Variants in SDK1 observed in about 807,000 individuals in gnomAD.
The protein encoded by SDK1 is protein sidekick-1.
A neutral mutation model predicts 245.5 loss-of-function variants in SDK1; 157 were observed. The observed-to-expected ratio is 0.64, with a 90% CI of 0.56 to 0.73. The LOEUF (loss-of-function observed/expected upper bound fraction) is 0.73. SDK1 is among the 30% of genes least tolerant of loss of function. The pLI, the probability that SDK1 is intolerant of heterozygous loss-of-function variation, is 0.00. For missense variants in SDK1, 3,583 were observed against 3,002.3 expected (o/e 1.19, Z -4.52); for synonymous variants, 1,647 against 1,278.5 (o/e 1.29, Z -6.15).
Position 4,118,982 on chromosome 7 carries a change from G to T in SDK1, c.3823+4708G>T, listed in dbSNP as rs749858054. ...TGGAAACAGAGCTTCTTTTGGGGAT[G>T]ATGAGATGTTCCAAAGTTCATCATG... On this transcript the variant is annotated intron_variant, in intron 25 of 44. Coordinates refer to ENST00000404826, the MANE Select transcript of SDK1 (RefSeq NM_152744.4). Among the ~76,000 whole-genome samples the T allele has an allele frequency of 6.7e-5, 10 of 148,594 alleles. 1 individual carries two copies. The highest frequency in any genetic ancestry group is 1.5e-4 in the Non-Finnish European group (10 of 66,704).
chr7:4,153,547 C>G (rs1363076822), intron 30 of SDK1, among the ~76,000 whole-genome samples: 1 of 152,188 alleles, frequency 6.6e-6, no homozygotes, highest in African/African-American at 2.4e-5. Context: ...GATCATACCA[C>G]TGAACTCCAG....
chr7:4,161,732 C>A, intron 31 of SDK1, 54 bp from the exon 32 acceptor site: 1 of 1,467,720 alleles, frequency 6.8e-7, no homozygotes, highest in Non-Finnish European at 9.5e-7. Flanking sequence ...CTGGGAAGGG[C>A]GGCAGAACAT....
intron 4 of SDK1, among the ~76,000 whole-genome samples, chr7:3,748,422 C>T (rs978344141): frequency 4.6e-5 from 7 of 152,122 alleles, no homozygotes; most frequent in Admixed American, 2.6e-4. Context: ...TATATTATAA[C>T]GGGCTTATGG....
intron 1 of SDK1, among the ~76,000 whole-genome samples, chr7:3,390,353 G>C (rs1781718318): frequency 6.6e-6 from 1 of 152,122 alleles, no homozygotes; most frequent in Admixed American, 6.5e-5. Context: ...CCTTTTAAAT[G>C]TTTACCACTG....
At chr7:3,541,742 T>C (rs1313925623) in intron 1 of SDK1, among the ~76,000 whole-genome samples, 1 of 152,198 alleles carries the variant, frequency 6.6e-6, no homozygotes, top group Non-Finnish European at 1.5e-5. Context: ...ATGGTTGAAT[T>C]AGGTGGAATT....
At chr7:3,487,772 A>AG (rs1403295964) in intron 1 of SDK1, among the ~76,000 whole-genome samples, 3 of 150,682 alleles carry the variant, frequency 2.0e-5, no homozygotes, top group African/African-American at 4.9e-5. Context: ...AAAAAAAAAA[A>AG]AAAAGAAAAG....
At position 3,482,563 on chromosome 7, in the gene SDK1, G is replaced by T. The variant is rs76936110; in HGVS notation, c.299-136517G>T. On this transcript the variant is annotated intron_variant, in intron 1 of 44. Coordinates refer to ENST00000404826, the MANE Select transcript of SDK1 (RefSeq NM_152744.4). ...AAACAAGCCTTAACTCACTGGAGTAGCAAGGAAAGCGCTTCTCTGAGAATT... is the reference window on the plus strand; with the variant it reads ...AAACAAGCCTTAACTCACTGGAGTATCAAGGAAAGCGCTTCTCTGAGAATT... 5.5e-3 allele frequency among the ~76,000 whole-genome samples: 837 copies of T among 152,316 alleles called. 11 individuals carry two copies. Among genetic ancestry groups the T allele is most frequent in the African/African-American group, 0.019 (803 of 41,564 alleles).
chr7:3,945,410 G>C (rs887293914), intron 5 of SDK1, among the ~76,000 whole-genome samples: 3 of 152,038 alleles, frequency 2.0e-5, no homozygotes, highest in Admixed American at 1.3e-4. Context: ...TTAACAAAGA[G>C]GGAGAAAAAA....
At chr7:3,899,721 A>T (rs1465763845) in intron 5 of SDK1, among the ~76,000 whole-genome samples, 2 of 152,192 alleles carry the variant, frequency 1.3e-5, no homozygotes, top group Non-Finnish European at 2.9e-5. Context: ...GGCCATCAGC[A>T]TGTGGGCCAT....
chr7:3,895,711 T>A (rs1781587296), intron 5 of SDK1, among the ~76,000 whole-genome samples: 2 of 152,198 alleles, frequency 1.3e-5, no homozygotes, highest in African/African-American at 2.4e-5. Context: ...TCTTTTCTAG[T>A]GTAAGTGCTT....
At chr7:3,469,581 T>C (rs1303085067) in intron 1 of SDK1, among the ~76,000 whole-genome samples, 1 of 152,212 alleles carries the variant, frequency 6.6e-6, no homozygotes, top group African/African-American at 2.4e-5. Context: ...CTAGGTTGTT[T>C]TTGCAAAGAA....
At chr7:4,229,858 G>A (rs538279303) in intron 40 of SDK1, among the ~76,000 whole-genome samples, 1 of 152,014 alleles carries the variant, frequency 6.6e-6, no homozygotes, top group South Asian at 2.1e-4. Context: ...CTTGCTCACA[G>A]TAAGCAGTAA....
At chr7:4,068,729 T>C (rs867588000) in intron 20 of SDK1, among the ~76,000 whole-genome samples, 1 of 151,882 alleles carries the variant, frequency 6.6e-6, no homozygotes, top group Non-Finnish European at 1.5e-5. Flanking sequence ...TTTATTTATT[T>C]ATTTATTTAT....
intron 1 of SDK1, among the ~76,000 whole-genome samples, chr7:3,463,384 A>G (rs1275623080): frequency 6.6e-6 from 1 of 152,086 alleles, no homozygotes; most frequent in Non-Finnish European, 1.5e-5. Flanking sequence ...ATGAATGAAC[A>G]TAGATTGAGT....
intron 4 of SDK1, among the ~76,000 whole-genome samples, chr7:3,756,507 GAC>G (rs1562420476): frequency 1.3e-5 from 2 of 150,986 alleles, no homozygotes; most frequent in South Asian, 4.2e-4. Flanking sequence ...GTGCGTGTGA[GAC>G]ATGTGTGTCA....
chr7:3,351,715 C>T (rs1780664752), intron 1 of SDK1, among the ~76,000 whole-genome samples: 1 of 152,142 alleles, frequency 6.6e-6, no homozygotes, highest in Non-Finnish European at 1.5e-5. Flanking sequence ...GTAAAAGGTT[C>T]AGTTCAGATA....
intron 19 of SDK1, among the ~76,000 whole-genome samples, chr7:4,063,002 C>G (rs1325364649): frequency 6.6e-6 from 1 of 152,196 alleles, no homozygotes; most frequent in Non-Finnish European, 1.5e-5. Flanking sequence ...TAACATCACA[C>G]TGAATGGGGA....
intron 1 of SDK1, among the ~76,000 whole-genome samples, chr7:3,486,615 T>C (rs974431447): frequency 4.6e-5 from 7 of 152,120 alleles, no homozygotes; most frequent in South Asian, 2.1e-4. Context: ...TATGTATGTA[T>C]GATGAAAATG....
intron 4 of SDK1, among the ~76,000 whole-genome samples, chr7:3,815,750 A>G (rs1040228256): frequency 5.3e-5 from 8 of 151,786 alleles, no homozygotes; most frequent in Non-Finnish European, 7.4e-5. Context: ...CGGACCTAAT[A>G]GACATCTACA....
Sources: allele counts gnomAD v4.1 joint callset (sites outside exome capture counted in the v4.1 genomes callset), GRCh38; gene constraint gnomAD v4.1.1; transcripts MANE v1.5; gene names NCBI Gene and HGNC (gene_info 2026-07-23, HGNC 2026-07-21).